RARB: variants seen among roughly 807,000 people sequenced by gnomAD.
The protein encoded by RARB is retinoic acid receptor beta.
In RARB, 17 loss-of-function variants were observed where a neutral mutation model predicts 51.9. The observed-to-expected ratio is 0.33, with a 90% CI of 0.22 to 0.49. RARB has a LOEUF of 0.49. RARB is among the 20% of genes least tolerant of loss of function. The pLI is 0.99. For missense variants in RARB, 369 were observed against 550.8 expected, an observed-to-expected ratio of 0.67 and a Z score of 3.30; for synonymous variants, 215 against 195.4, an observed-to-expected ratio of 1.10 and a Z score of -0.84.
At chr3:24,945,991 C>A (rs548512109) in intron 2 of RARB, among the ~76,000 whole-genome samples, 3 of 152,158 alleles carry the variant, frequency 2.0e-5, no homozygotes, top group African/African-American at 7.2e-5. Flanking sequence ...GCTGGCCAGG[C>A]GCGGTGGCTC....
chr3:24,925,896 G>A (rs1336797242), intron 2 of RARB, among the ~76,000 whole-genome samples: 4 of 151,860 alleles, frequency 2.6e-5, no homozygotes, highest in Non-Finnish European at 5.9e-5. Context: ...TAACTAGCTT[G>A]TATTTACCAA....
intron 2 of RARB, among the ~76,000 whole-genome samples, chr3:24,868,212 G>A (rs1406887652): frequency 6.6e-6 from 1 of 152,072 alleles, no homozygotes; most frequent in Non-Finnish European, 1.5e-5. Flanking sequence ...TTTAAAATCT[G>A]TCCAGATGCT....
At chr3:25,003,085 T>G (rs1214431397) in intron 2 of RARB, among the ~76,000 whole-genome samples, 1 of 152,054 alleles carries the variant, frequency 6.6e-6, no homozygotes, top group African/African-American at 2.4e-5. Context: ...TTATATATAA[T>G]GAATGGTGGC....
intron 5 of RARB, among the ~76,000 whole-genome samples, chr3:25,269,385 T>C (rs1703199266): frequency 6.6e-6 from 1 of 152,198 alleles, no homozygotes. Context: ...TAGGAACGTG[T>C]GACAGCTGAG....
intron 5 of RARB, among the ~76,000 whole-genome samples, chr3:25,227,291 A>G (rs578119765): frequency 7.9e-5 from 12 of 152,260 alleles, no homozygotes; most frequent in Admixed American, 7.9e-4. Flanking sequence ...AATCAGTTTG[A>G]CATATTAACT....
intron 2 of RARB, among the ~76,000 whole-genome samples, chr3:24,946,093 GTC>G (rs1695767175): frequency 6.6e-6 from 1 of 151,910 alleles, no homozygotes; most frequent in South Asian, 2.1e-4. Context: ...GTGAAACCCT[GTC>G]TCTACTAAAA....
At chr3:25,169,344 G>A (rs1257249434) in intron 4 of RARB, among the ~76,000 whole-genome samples, 1 of 152,214 alleles carries the variant, frequency 6.6e-6, no homozygotes, top group Non-Finnish European at 1.5e-5. Flanking sequence ...CAGCCCTGGA[G>A]CAGGAGGAAT....
At chr3:25,420,801 G>T (rs2125506723) in intron 5 of RARB, among the ~76,000 whole-genome samples, 1 of 152,162 alleles carries the variant, frequency 6.6e-6, no homozygotes, top group East Asian at 1.9e-4. Context: ...GGATGGATGA[G>T]TAAATGGAGG....
intron 2 of RARB, among the ~76,000 whole-genome samples, chr3:24,870,787 C>T (rs538756786): frequency 9.9e-5 from 15 of 152,064 alleles, no homozygotes; most frequent in South Asian, 4.2e-4. Context: ...TTATAGGATG[C>T]GTGCAATGTT....
At position 25,107,711 on chromosome 3, in the gene RARB, A is replaced by G. The variant is rs139994471; in HGVS notation, c.-327-24450A>G. Reference sequence around the variant, plus strand: ...GTAAGAGATTAACAGCAATAATAATAAAATAGGAAAATGGTAATAATATGC... The same window carrying G: ...GTAAGAGATTAACAGCAATAATAATGAAATAGGAAAATGGTAATAATATGC... On this transcript the variant is annotated intron_variant, in intron 3 of 11. Transcript: ENST00000383772. 2.6e-5 allele frequency among the ~76,000 whole-genome samples: 4 copies of G among 152,338 alleles called. No individual in the cohort carries two copies. In the East Asian group the frequency reaches 7.7e-4, roughly 29 times the overall value.
At chr3:25,216,154 G>A (rs576169081) in intron 5 of RARB, among the ~76,000 whole-genome samples, 1 of 152,112 alleles carries the variant, frequency 6.6e-6, no homozygotes, top group Non-Finnish European at 1.5e-5. Context: ...CACCACCCAT[G>A]GAAGAGGCTA....
intron 2 of RARB, among the ~76,000 whole-genome samples, chr3:25,007,102 T>C (rs1194016694): frequency 6.6e-6 from 1 of 152,214 alleles, no homozygotes; most frequent in Non-Finnish European, 1.5e-5. Flanking sequence ...CTTCAGACTT[T>C]TGGCATCTGC....
At position 25,081,835 on chromosome 3, in the gene RARB, G is replaced by A. The variant is rs1170966980; in HGVS notation, c.-328+21659G>A. Among the ~76,000 whole-genome samples, 6 of 150,902 alleles carry A rather than the reference G, an allele frequency of 4.0e-5. No homozygotes were observed. In the South Asian group the frequency reaches 1.0e-3, roughly 26 times the overall value. On this transcript the variant is annotated intron_variant, in intron 3 of 11. Transcript: ENST00000383772. ...TTCAGTAGAGATGGGGTTTCACCAT[G>A]TTGGCCAGGCTGGTCTCGAACTCCT...
chr3:25,207,698 C>T (rs1412067018), intron 5 of RARB, among the ~76,000 whole-genome samples: 1 of 152,168 alleles, frequency 6.6e-6, no homozygotes, highest in Non-Finnish European at 1.5e-5. Context: ...TGTTCCCTAA[C>T]ATACCCCAAG....
At chr3:25,201,782 C>A (rs974928392) in intron 5 of RARB, among the ~76,000 whole-genome samples, 2 of 152,102 alleles carry the variant, frequency 1.3e-5, no homozygotes, top group South Asian at 2.1e-4. Context: ...GGATGAAGCC[C>A]ACTTGATCGT....
At chr3:25,407,728 T>C (rs1227846216) in intron 5 of RARB, among the ~76,000 whole-genome samples, 2 of 150,252 alleles carry the variant, frequency 1.3e-5, no homozygotes, top group Non-Finnish European at 2.9e-5. Context: ...GGCTGCTTAC[T>C]GTGAATACTT....
At chr3:25,464,645 A>G (rs1355042685) in intron 2 of RARB, among the ~76,000 whole-genome samples, 1 of 152,184 alleles carries the variant, frequency 6.6e-6, no homozygotes, top group Admixed American at 6.5e-5. Context: ...CCAAAGAAAA[A>G]GAAATATAAC....
At chr3:25,427,292 C>T (rs1406250901), upstream of RARB, among the ~76,000 whole-genome samples, 1 of 152,164 alleles carries the variant, frequency 6.6e-6, no homozygotes, top group African/African-American at 2.4e-5. Context: ...AACATTTGTT[C>T]CATGATATTT....
At chr3:24,974,767 C>A (rs1419441736) in intron 2 of RARB, among the ~76,000 whole-genome samples, 2 of 152,068 alleles carry the variant, frequency 1.3e-5, no homozygotes, top group East Asian at 1.9e-4. Context: ...TCTTTCTTAG[C>A]CACTGAAATA....
Sources: gnomAD v4.1 joint callset for allele counts (sites outside exome capture counted in the v4.1 genomes callset) on GRCh38, gnomAD v4.1.1 for gene constraint, MANE v1.5 for transcripts, NCBI Gene and HGNC (gene_info 2026-07-23, HGNC 2026-07-21) for gene names.